Variants in RNF38 observed in about 807,000 individuals in gnomAD.
The protein encoded by RNF38 is ring finger protein 38, also known as E3 ubiquitin-protein ligase RNF38.
Under a neutral mutation model 67.2 loss-of-function variants are expected in RNF38, and 15 were observed. The observed-to-expected ratio is 0.22, with a 90% CI of 0.15 to 0.34. RNF38 has a LOEUF of 0.34. Among genes scored for constraint, RNF38 ranks in the 10% least tolerant of loss-of-function variants. RNF38 has a pLI of 1.00. For missense variants in RNF38, 524 were observed against 639.9 expected (o/e 0.82, Z 1.95); for synonymous variants, 220 against 218.8 (o/e 1.01, Z -0.05).
chr9:36,372,534 T>C, intron 3 of RNF38: 1 of 716,242 alleles, frequency 1.4e-6, no homozygotes, highest in Non-Finnish European at 2.6e-6. Context: ...TGTTAAAAAC[T>C]GCATCTGCTT....
intron 1 of RNF38, among the ~76,000 whole-genome samples, chr9:36,396,586 G>A (rs1325958368): frequency 6.6e-6 from 1 of 152,100 alleles, no homozygotes; most frequent in Non-Finnish European, 1.5e-5. Flanking sequence ...AGTCCCGGAT[G>A]GCATTCTTCA....
At chr9:36,474,142 T>C (rs961366728) in intron 1 of RNF38, among the ~76,000 whole-genome samples, 5 of 150,676 alleles carry the variant, frequency 3.3e-5, no homozygotes, top group African/African-American at 7.3e-5. Flanking sequence ...TGAAACCCCA[T>C]CTCTACTACA....
At chr9:36,387,135 T>C (rs527496642) in intron 2 of RNF38, among the ~76,000 whole-genome samples, 2 of 152,094 alleles carry the variant, frequency 1.3e-5, no homozygotes, top group African/African-American at 2.4e-5. Flanking sequence ...GCATGAATAA[T>C]CCACCCCGTG....
chr9:36,365,291 G>A (rs752217832), intron 4 of RNF38, among the ~76,000 whole-genome samples: 1 of 152,134 alleles, frequency 6.6e-6, no homozygotes, highest in Non-Finnish European at 1.5e-5. Context: ...CTGTGGTCAG[G>A]CACAGTGGCT....
intron 2 of RNF38, among the ~76,000 whole-genome samples, chr9:36,389,474 A>AT (rs1201212640): frequency 2.6e-5 from 4 of 152,196 alleles, no homozygotes; most frequent in African/African-American, 9.6e-5. Flanking sequence ...AAATAACTAC[A>AT]TATGTGATTA....
intron 1 of RNF38, 98 bp from the exon 2 acceptor site, chr9:36,390,714 T>C (rs1454195799): frequency 8.2e-7 from 1 of 1,221,514 alleles, no homozygotes; most frequent in Non-Finnish European, 1.2e-6. Flanking sequence ...AGGTATTTGA[T>C]GATTCTGCTA....
chr9:36,402,982 G>A (rs1265369896), upstream of RNF38, among the ~76,000 whole-genome samples: 4 of 151,944 alleles, frequency 2.6e-5, no homozygotes, highest in African/African-American at 9.7e-5. Flanking sequence ...TTAATTTTCT[G>A]TAGAGGCAGG....
At chr9:36,408,916 G>A (rs1408798155) in intron 2 of RNF38, among the ~76,000 whole-genome samples, 1 of 152,236 alleles carries the variant, frequency 6.6e-6, no homozygotes. Flanking sequence ...GCCGGGTGTG[G>A]TGGTTCACCT....
At chr9:36,419,741 T>C (rs888545901) in intron 2 of RNF38, among the ~76,000 whole-genome samples, 5 of 152,028 alleles carry the variant, frequency 3.3e-5, no homozygotes, top group Non-Finnish European at 7.4e-5. Context: ...GAGAATCCCT[T>C]GAAGGTGGGG....
At chr9:36,426,496 T>C (rs1415795449) in intron 1 of RNF38, among the ~76,000 whole-genome samples, 1 of 152,340 alleles carries the variant, frequency 6.6e-6, no homozygotes, top group African/African-American at 2.4e-5. Flanking sequence ...CGCGTACCAA[T>C]CCATTCCTTT....
chr9:36,401,703 T>C (rs906983455), upstream of RNF38, among the ~76,000 whole-genome samples: 3 of 151,558 alleles, frequency 2.0e-5, no homozygotes, highest in Non-Finnish European at 4.4e-5. Flanking sequence ...AAGGAAAAAA[T>C]AGTAAAGTGG....
At chr9:36,347,081 T>C (rs571917065) in intron 9 of RNF38, among the ~76,000 whole-genome samples, 2 of 114,284 alleles carry the variant, frequency 1.8e-5, no homozygotes, top group Non-Finnish European at 3.3e-5. Flanking sequence ...GACTGCACCA[T>C]TGCACTCCAA....
Position 36,356,349 on chromosome 9 carries a change from G to T in RNF38, c.863C>A (p.Pro288Gln), listed in dbSNP as rs1453798096. 6.2e-7 allele frequency: 1 copy of T among 1,614,002 alleles called. No individual in the cohort carries two copies. The highest frequency in any genetic ancestry group is 8.5e-7 in the Non-Finnish European group (1 of 1,179,976). Reference sequence around the variant, plus strand: ...GAAAGGGACAAACTGGCCTGGTGGTGGCAAATGAGGAGGATGATGGGGAGA... The same window carrying T: ...GAAAGGGACAAACTGGCCTGGTGGTTGCAAATGAGGAGGATGATGGGGAGA... ...HLSPHHPPHL[P>Q]PPGQFVPFQT... The change falls in exon 6 of 12, where the codon CCA becomes CAA. Residue 288 changes from proline to glutamine, a missense_variant. Transcript: ENST00000259605.
Position 36,421,412 on chromosome 9 carries a change from C to T in RNF38, n.312+3201G>A, listed in dbSNP as rs980651600. Among the ~76,000 whole-genome samples the T allele has an allele frequency of 2.3e-4, 35 of 152,022 alleles. No homozygotes were observed. In the South Asian group the frequency reaches 3.5e-3, roughly 15 times the overall value. The stretch of plus-strand genomic sequence containing the variant: ...GGCATGGTGGCTCACGCCTGTAATA[C>T]CAGCACTTTGGGAGGCTGAGGTGGG... On this transcript the variant is annotated intron_variant and non_coding_transcript_variant, in intron 2 of 3. Coordinates refer to the RNF38 transcript ENST00000488058.
chr9:36,456,031 A>G (rs1839587912), intron 1 of RNF38, among the ~76,000 whole-genome samples: 1 of 152,198 alleles, frequency 6.6e-6, no homozygotes, highest in African/African-American at 2.4e-5. Context: ...AGAGGGAGTA[A>G]GAAGTTCCAC....
chr9:36,350,992 ATTC>A (rs977012497), intron 9 of RNF38, 120 bp downstream of exon 9: 10 of 697,606 alleles, frequency 1.4e-5, no homozygotes, highest in Admixed American at 2.5e-5. Flanking sequence ...CAACACAGTA[ATTC>A]TTCTTCCAAT....
At chr9:36,487,644 G>T, upstream of RNF38, 3 of 926,924 alleles carry the variant, frequency 3.2e-6, no homozygotes, top group Non-Finnish European at 2.6e-6. Context: ...CAGCAGCGGT[G>T]GCGGCGACGG....
chr9:36,411,082 A>G (rs1356813652), intron 2 of RNF38, among the ~76,000 whole-genome samples: 1 of 152,106 alleles, frequency 6.6e-6, no homozygotes, highest in Non-Finnish European at 1.5e-5. Context: ...AACTTATGTA[A>G]TAAGTGAAAA....
At chr9:36,435,909 G>C (rs540300630) in intron 1 of RNF38, among the ~76,000 whole-genome samples, 2 of 152,174 alleles carry the variant, frequency 1.3e-5, no homozygotes, top group African/African-American at 4.8e-5. Context: ...GATTACAGGC[G>C]TGAGCCACCG....
Sources: gnomAD v4.1 joint callset for allele counts (sites outside exome capture counted in the v4.1 genomes callset) on GRCh38, gnomAD v4.1.1 for gene constraint, MANE v1.5 for transcripts, NCBI Gene and HGNC (gene_info 2026-07-23, HGNC 2026-07-21) for gene names.